CDK10: variants seen among roughly 807,000 people sequenced by gnomAD.
CDK10 encodes cyclin dependent kinase 10.
A neutral mutation model predicts 51.0 loss-of-function variants in CDK10; 55 were observed. The ratio of observed to expected loss-of-function variants is 1.08; its 90% CI spans 0.87 to 1.35. The LOEUF (loss-of-function observed/expected upper bound fraction) is 1.35, where lower values mean the gene tolerates loss of function less well. Ranked by LOEUF, CDK10 falls within the 40% of genes most tolerant of loss-of-function variation. The pLI is 0.00. For synonymous variants in CDK10, 255 were observed against 199.1 expected, an observed-to-expected ratio of 1.28 and a Z score of -2.36; for missense variants, 589 against 485.1, an observed-to-expected ratio of 1.21 and a Z score of -2.01.
rs1214976534 is a variant in CDK10 at position 89,690,611 on chromosome 16, C to T, written c.219C>T (p.Asp73=). The T allele has an allele frequency of 6.2e-7, 1 of 1,613,942 alleles. No individual in the cohort carries two copies. Among genetic ancestry groups the T allele is most frequent in the African/African-American group, 1.3e-5 (1 of 75,022 alleles). Residue 73 remains aspartate (D), a synonymous_variant, in exon 3 of 13, where the codon GAC becomes GAT. Coordinates refer to ENST00000353379, the MANE Select transcript of CDK10 (RefSeq NM_052988.5). ...TCGCACTGAAGAAGGTGCGGATGGA[C>T]AAGGAGAAGGATGGTGAGCAGGAAA... ...EIVALKKVRM[D]KEKDGIPISS...
intron 4 of CDK10, 28 bp downstream of exon 4, chr16:89,691,573 G>T: frequency 6.4e-7 from 1 of 1,569,442 alleles, no homozygotes. Context: ...CTGCACATTG[G>T]GCCCTAGGGA....
intron 8 of CDK10, 117 bp from the exon 9 acceptor site, chr16:89,694,056 G>C (rs1396319666): frequency 8.6e-5 from 85 of 990,496 alleles, no homozygotes; most frequent in Non-Finnish European, 3.2e-6. Flanking sequence ...GCAGAGGGTG[G>C]TCCGAGTTGG....
At chr16:89,687,038 G>C (rs564949467) in intron 1 of CDK10, 4,283 of 425,162 alleles carry the variant, frequency 0.01, 75 homozygotes, top group African/African-American at 0.043. Flanking sequence ...CGCCCGCGGA[G>C]AGACGGGCCC....
At chr16:89,691,225 C>T (rs536750090) in intron 3 of CDK10, among the ~76,000 whole-genome samples, 28 of 151,950 alleles carry the variant, frequency 1.8e-4, no homozygotes, top group African/African-American at 6.0e-4. Context: ...GCAGAGGTTG[C>T]GGTGAGCCGA....
At chr16:89,691,995 C>T in intron 5 of CDK10, 108 bp downstream of exon 5, 1 of 823,932 alleles carries the variant, frequency 1.2e-6, no homozygotes, top group Non-Finnish European at 1.9e-6. Context: ...GCTGCTGCCT[C>T]TGCCTCCACC....
chr16:89,691,725 C>T (rs534286185), intron 4 of CDK10, 81 bp from the exon 5 acceptor site: 102 of 1,411,082 alleles, frequency 7.2e-5, no homozygotes, highest in Admixed American at 2.0e-4. Flanking sequence ...CTGCCCATGT[C>T]CCCTCCTGCA....
Position 89,692,467 on chromosome 16 carries a change from C to T in CDK10, c.436C>T (p.Gln146Ter), listed in dbSNP as rs1346960217. 6 of 1,596,610 alleles carry T rather than the reference C, an allele frequency of 3.8e-6. No individual in the cohort carries two copies. The highest frequency in any genetic ancestry group is 5.1e-6 in the Non-Finnish European group (6 of 1,171,314). ...TGCACAGGTCAAGTGCATCGTGCTG[C>T]AGGTGCTCCGGGGCCTCCAGTATCT... ...SEAQVKCIVL[Q>*]VLRGLQYLHR... Residue 146 changes from glutamine to a stop codon, truncating the protein, a stop_gained, in exon 6 of 13, where the codon CAG becomes TAG. Coordinates refer to ENST00000353379, the MANE Select transcript of CDK10 (RefSeq NM_052988.5). LOFTEE classifies it high-confidence loss of function.
intron 4 of CDK10, 67 bp from the exon 5 acceptor site, chr16:89,691,739 G>A: frequency 6.7e-7 from 1 of 1,485,006 alleles, no homozygotes; most frequent in Non-Finnish European, 9.4e-7. Flanking sequence ...TCCTGCAGCA[G>A]GGGAGGCTCC....
chr16:89,688,216 G>C (rs1031678651), intron 1 of CDK10, among the ~76,000 whole-genome samples: 1 of 151,718 alleles, frequency 6.6e-6, no homozygotes, highest in Non-Finnish European at 1.5e-5. Flanking sequence ...CAAGCAGCTG[G>C]GACTACAGGC....
At position 89,696,056 on chromosome 16, in the gene CDK10, G is replaced by A; in HGVS notation, c.*364G>A. 1 of 565,696 alleles carries A rather than the reference G, an allele frequency of 1.8e-6. No homozygotes were observed. The highest frequency in any genetic ancestry group is 3.2e-6 in the Non-Finnish European group (1 of 313,938). The allele number at this position is 565,696 out of a possible 1,614,324, so 35.0% of individuals were successfully genotyped here. On this transcript the variant is annotated 3_prime_UTR_variant, in exon 13 of 13. Transcript: ENST00000353379. ...CTGTCTTTGAGTTGTGGTGGACGCT[G>A]GCCTGGGATGAGAGGGCCCAGAAGA...
rs539353476 is a variant in CDK10 at position 89,696,087 on chromosome 16, G to A, written c.*395G>A. 4.6e-5 allele frequency: 24 copies of A among 519,620 alleles called. No homozygotes were observed. The highest frequency in any genetic ancestry group is 3.1e-4 in the African/African-American group (16 of 52,168). The allele number at this position is 519,620 out of a possible 1,614,324, so 32.2% of individuals were successfully genotyped here. ...GGATGAGAGGGCCCAGAAGACCTTC[G>A]TATCCCCTCTCAGTCGCCCGGGGCT... On this transcript the variant is annotated 3_prime_UTR_variant, in exon 13 of 13. Coordinates refer to ENST00000353379, the MANE Select transcript of CDK10 (RefSeq NM_052988.5).
At chr16:89,693,720 AC>A (rs1364594340) in intron 8 of CDK10, 2 of 576,030 alleles carry the variant, frequency 3.5e-6, no homozygotes, top group Non-Finnish European at 6.2e-6. Context: ...AGCTGGAAAC[AC>A]CGTGGCCGTG....
chr16:89,687,584 G>C (rs2060251276), intron 1 of CDK10: 3 of 450,620 alleles, frequency 6.7e-6, no homozygotes, highest in Admixed American at 4.7e-5. Context: ...GTTTTTTTGA[G>C]ACAGGGTCTA....
rs769750795 is a variant in CDK10, at chr16:89,691,428, C to T, written c.233-15C>T. The T allele has an allele frequency of 6.3e-7, 1 of 1,587,716 alleles. No homozygotes were observed. Among genetic ancestry groups the T allele is most frequent in the South Asian group, 1.1e-5 (1 of 87,808 alleles). On this transcript the variant is annotated splice_polypyrimidine_tract_variant and intron_variant, in intron 3 of 12. Coordinates refer to ENST00000353379, the MANE Select transcript of CDK10 (RefSeq NM_052988.5). ...TCACTGGGGTGGGGCTCGCTGAGGCCACCTCCCTCCCCAGGCATCCCCATC... is the reference window on the plus strand; with the variant it reads ...TCACTGGGGTGGGGCTCGCTGAGGCTACCTCCCTCCCCAGGCATCCCCATC...
At chr16:89,691,932 C>A in intron 5 of CDK10, 45 bp downstream of exon 5, 2 of 1,516,688 alleles carry the variant, frequency 1.3e-6, no homozygotes, top group Non-Finnish European at 1.8e-6. Flanking sequence ...GCTTCATGGG[C>A]CCTTGTGGTG....
chr16:89,687,024 C>T (rs2060222125), intron 1 of CDK10: 2 of 453,594 alleles, frequency 4.4e-6, no homozygotes, highest in Non-Finnish European at 7.8e-6. Flanking sequence ...TCAGGGATGC[C>T]TCGCGCCCGC....
chr16:89,692,251 C>T (rs892980378), intron 5 of CDK10, 198 bp from the exon 6 acceptor site: 3 of 536,912 alleles, frequency 5.6e-6, no homozygotes, highest in East Asian at 3.2e-5. Flanking sequence ...AGTGCAGCCC[C>T]GGGGCCAAGA....
Position 89,691,473 on chromosome 16 carries a change from C to T in CDK10, c.263C>T (p.Thr88Met), listed in dbSNP as rs138561644. ...CCCATCAGCAGCTTGCGGGAGATCACGCTGCTGCTCCGCCTGCGTCATCCG... is the reference window on the plus strand; with the variant it reads ...CCCATCAGCAGCTTGCGGGAGATCATGCTGCTGCTCCGCCTGCGTCATCCG... Reference protein sequence around the residue: ...GIPISSLREITLLLRLRHPNI... With the variant: ...GIPISSLREIMLLLRLRHPNI... The change falls in exon 4 of 13, where the codon ACG becomes ATG. Residue 88 changes from threonine to methionine, a missense_variant. Coordinates refer to ENST00000353379, the MANE Select transcript of CDK10 (RefSeq NM_052988.5). The T allele has an allele frequency of 7.4e-5, 119 of 1,613,118 alleles. No homozygotes were observed. Among genetic ancestry groups the T allele is most frequent in the East Asian group, 1.3e-4 (6 of 44,870 alleles).
chr16:89,694,582 C>G (rs1597871837), intron 9 of CDK10, 83 bp from the exon 10 acceptor site: 1 of 1,539,942 alleles, frequency 6.5e-7, no homozygotes, highest in Non-Finnish European at 8.7e-7. Flanking sequence ...CAGCAAAGGT[C>G]TGGCTGCAGT....
Sources: gnomAD v4.1 joint callset for allele counts (sites outside exome capture counted in the v4.1 genomes callset) on GRCh38, gnomAD v4.1.1 for gene constraint, MANE v1.5 for transcripts, NCBI Gene and HGNC (gene_info 2026-07-23, HGNC 2026-07-21) for gene names.